UNC5D: variants seen among roughly 807,000 people sequenced by gnomAD.
UNC5D encodes the protein unc-5 netrin receptor D, also known as netrin receptor UNC5D.
A neutral mutation model predicts 105.4 loss-of-function variants in UNC5D; 39 were observed. The observed-to-expected ratio is 0.37, with a 90% CI of 0.29 to 0.48. UNC5D has a LOEUF of 0.48. Among genes scored for constraint, UNC5D ranks in the 20% least tolerant of loss-of-function variants. The pLI is 0.98. For missense variants in UNC5D, 991 were observed against 1,202.4 expected, an observed-to-expected ratio of 0.82 and a Z score of 2.60; for synonymous variants, 452 against 450.4, an observed-to-expected ratio of 1.00 and a Z score of -0.04.
chr8:35,242,131 G>A (rs931546267), intron 1 of UNC5D, among the ~76,000 whole-genome samples: 1 of 152,122 alleles, frequency 6.6e-6, no homozygotes, highest in Non-Finnish European at 1.5e-5. Context: ...AGAAAGATTG[G>A]TACAGGTACC....
intron 7 of UNC5D, among the ~76,000 whole-genome samples, chr8:35,690,754 T>C (rs536731780): frequency 9.2e-5 from 14 of 152,232 alleles, no homozygotes; most frequent in Admixed American, 6.5e-4. Flanking sequence ...AAAATAGCTG[T>C]GCTCTGAGGA....
At chr8:35,778,935 T>C (rs1010830235) in intron 16 of UNC5D, among the ~76,000 whole-genome samples, 1 of 151,998 alleles carries the variant, frequency 6.6e-6, no homozygotes, top group African/African-American at 2.4e-5. Context: ...ATGTCAGGAG[T>C]GTGTGCTGTA....
At chr8:35,249,592 TAATAATAATAA>T (rs990553678) in intron 1 of UNC5D, among the ~76,000 whole-genome samples, 12 of 76,236 alleles carry the variant, frequency 1.6e-4, no homozygotes, top group Admixed American at 7.1e-4. Context: ...ATAATAATAA[TAATAATAATAA>T]AATAAATAAA....
intron 1 of UNC5D, among the ~76,000 whole-genome samples, chr8:35,308,112 ATGTATGTGTGTGTGTGTGTG>A (rs1157280864): frequency 6.8e-6 from 1 of 147,682 alleles, no homozygotes; most frequent in East Asian, 2.0e-4. Context: ...CTATGTCACA[ATGTATGTGTGTGTGTGTGTG>A]TGTGTGTGTG....
chr8:35,569,538 C>G (rs1294801869), intron 3 of UNC5D, among the ~76,000 whole-genome samples: 3 of 152,244 alleles, frequency 2.0e-5, no homozygotes, highest in Admixed American at 6.5e-5. Flanking sequence ...GGGAGGCCCT[C>G]TCCTGGGTAT....
In UNC5D at chr8:35,484,591, A is replaced by G. The variant is rs1380711359; in HGVS notation, c.104-64701A>G. On this transcript the variant is annotated intron_variant, in intron 1 of 16. Transcript: ENST00000404895. Reference sequence around the variant, plus strand: ...TTCCATGGCTTCCCACTGACATGTTATGAAAATTGCAGATACCAGGAGGAA... The same window carrying G: ...TTCCATGGCTTCCCACTGACATGTTGTGAAAATTGCAGATACCAGGAGGAA... Among the ~76,000 whole-genome samples the G allele has an allele frequency of 3.9e-5, 6 of 152,168 alleles. No homozygotes were observed. The East Asian group carries it at 9.6e-4, about 24-fold the overall frequency.
At chr8:35,334,733 C>T (rs1436990896) in intron 1 of UNC5D, among the ~76,000 whole-genome samples, 1 of 152,026 alleles carries the variant, frequency 6.6e-6, no homozygotes, top group South Asian at 2.1e-4. Context: ...AGGATGGTCT[C>T]GAACTCCTGA....
intron 2 of UNC5D, among the ~76,000 whole-genome samples, chr8:35,559,605 G>C (rs1313139390): frequency 6.6e-6 from 1 of 152,206 alleles, no homozygotes; most frequent in Non-Finnish European, 1.5e-5. Context: ...GGGTTGGCAT[G>C]GTACTGAATG....
chr8:35,533,210 T>G (rs1814540534), intron 1 of UNC5D, among the ~76,000 whole-genome samples: 2 of 152,226 alleles, frequency 1.3e-5, no homozygotes, highest in Admixed American at 6.5e-5. Context: ...GCTGGTAATG[T>G]ACAAATGGGT....
chr8:35,471,034 G>A (rs932227357), intron 1 of UNC5D, among the ~76,000 whole-genome samples: 1 of 152,042 alleles, frequency 6.6e-6, no homozygotes, highest in African/African-American at 2.4e-5. Context: ...AGTTATTAGA[G>A]ATCTCAGCAC....
At chr8:35,365,991 C>T (rs1470664564) in intron 1 of UNC5D, among the ~76,000 whole-genome samples, 1 of 152,170 alleles carries the variant, frequency 6.6e-6, no homozygotes, top group Non-Finnish European at 1.5e-5. Context: ...AATTAAATCT[C>T]TGGCCATAGT....
chr8:35,615,375 T>C (rs562511270), intron 4 of UNC5D, among the ~76,000 whole-genome samples: 1 of 152,316 alleles, frequency 6.6e-6, no homozygotes, highest in South Asian at 2.1e-4. Context: ...TATTTCTCCT[T>C]GCTTGGAATG....
At chr8:35,422,153 AC>A (rs1238678036) in intron 1 of UNC5D, among the ~76,000 whole-genome samples, 1 of 152,182 alleles carries the variant, frequency 6.6e-6, no homozygotes, top group Admixed American at 6.5e-5. Flanking sequence ...CCGAGCTGCC[AC>A]CAGTTGTCAC....
chr8:35,236,979 T>C (rs1206166760), intron 1 of UNC5D, among the ~76,000 whole-genome samples: 1 of 152,052 alleles, frequency 6.6e-6, no homozygotes, highest in African/African-American at 2.4e-5. Context: ...CTGAACATGC[T>C]CCGACCAGCC....
intron 4 of UNC5D, among the ~76,000 whole-genome samples, chr8:35,658,055 C>T (rs1199541082): frequency 6.6e-6 from 1 of 152,160 alleles, no homozygotes; most frequent in Non-Finnish European, 1.5e-5. Context: ...TACCAGTAAA[C>T]TAACAGATGT....
intron 11 of UNC5D, among the ~76,000 whole-genome samples, chr8:35,744,677 TACA>T (rs1255101465): frequency 3.3e-5 from 5 of 152,136 alleles, no homozygotes; most frequent in South Asian, 2.1e-4. Context: ...CTGTGTCCTT[TACA>T]ACAAGTATTT....
intron 1 of UNC5D, among the ~76,000 whole-genome samples, chr8:35,369,758 C>T (rs74813633): frequency 0.015 from 2,221 of 152,260 alleles, 57 homozygotes; most frequent in African/African-American, 0.052. Flanking sequence ...TTTACTTCCC[C>T]TGAGAACAGG....
chr8:35,692,547 G>A (rs1445304140), intron 7 of UNC5D, among the ~76,000 whole-genome samples: 1 of 152,148 alleles, frequency 6.6e-6, no homozygotes, highest in African/African-American at 2.4e-5. Context: ...ATGGATGAGT[G>A]TCCCTTTACC....
intron 7 of UNC5D, among the ~76,000 whole-genome samples, chr8:35,695,799 A>G (rs1241705084): frequency 6.6e-6 from 1 of 151,718 alleles, no homozygotes; most frequent in Non-Finnish European, 1.5e-5. Context: ...CAGTGGCACA[A>G]TCTTGGCTTA....
Sources: gnomAD v4.1 joint callset for allele counts (sites outside exome capture counted in the v4.1 genomes callset) on GRCh38, gnomAD v4.1.1 for gene constraint, MANE v1.5 for transcripts, NCBI Gene and HGNC (gene_info 2026-07-23, HGNC 2026-07-21) for gene names.